BMP7: variants seen among roughly 807,000 people sequenced by gnomAD.
The protein encoded by BMP7 is osteogenic protein 1.
Under a neutral mutation model 41.2 loss-of-function variants are expected in BMP7, and 12 were observed. That is an observed-to-expected ratio of 0.29 (90% CI 0.19 to 0.47). The LOEUF (loss-of-function observed/expected upper bound fraction) is 0.47. Ranked by LOEUF, BMP7 falls within the 20% of genes least tolerant of loss-of-function variation. The pLI is 0.99. For missense variants in BMP7, 467 were observed against 606.0 expected (o/e 0.77, Z 2.41); for synonymous variants, 248 against 250.0 (o/e 0.99, Z 0.07).
chr20:57,228,534 G>T lies in BMP7; in HGVS notation c.419-113C>A. 3.1e-6 allele frequency: 4 copies of T among 1,290,582 alleles called. No homozygotes were observed. Among genetic ancestry groups the T allele is most frequent in the Non-Finnish European group, 4.5e-6 (4 of 893,190 alleles). The allele number at this position is 1,290,582 out of a possible 1,614,324, so 79.9% of individuals were successfully genotyped here. ...TAAGCTAGATGGAGGCATGCCCATT[G>T]CCAGTGACCCCAGTGACAACTGCTC... is the stretch of plus-strand genomic sequence containing the variant. On this transcript the variant is annotated intron_variant, in intron 1 of 6. Coordinates refer to ENST00000395863, the MANE Select transcript of BMP7 (RefSeq NM_001719.3). The surrounding 1 kb of genome is among the most constrained non-coding windows in gnomAD (Gnocchi z 4.5).
intron 3 of BMP7, among the ~76,000 whole-genome samples, chr20:57,191,349 C>T (rs1418091422): frequency 1.3e-5 from 2 of 152,110 alleles, no homozygotes; most frequent in Non-Finnish European, 2.9e-5. Context: ...AAGTTCCCTC[C>T]CATGAGCCAC....
intron 3 of BMP7, among the ~76,000 whole-genome samples, chr20:57,201,894 A>G (rs936865665): frequency 1.3e-5 from 2 of 152,330 alleles, no homozygotes; most frequent in East Asian, 3.9e-4. Flanking sequence ...CAGACTCACA[A>G]TGGATTCTCC....
chr20:57,223,229 C>CG (rs141672932), intron 2 of BMP7, among the ~76,000 whole-genome samples: 1 of 62,420 alleles, frequency 1.6e-5, no homozygotes, highest in Non-Finnish European at 2.9e-5. Flanking sequence ...GACTCCATCT[C>CG]AAAAAAAAAA....
chr20:57,231,542 A>G (rs1229216462), intron 1 of BMP7, among the ~76,000 whole-genome samples: 1 of 152,240 alleles, frequency 6.6e-6, no homozygotes, highest in Non-Finnish European at 1.5e-5. Flanking sequence ...GGGACAACTC[A>G]TGGCTTCTCG....
At chr20:57,238,909 A>G (rs1244811221) in intron 1 of BMP7, among the ~76,000 whole-genome samples, 3 of 152,124 alleles carry the variant, frequency 2.0e-5, no homozygotes, top group Admixed American at 1.3e-4. Context: ...CCATGATTCA[A>G]TTACCTCCCC....
intron 3 of BMP7, among the ~76,000 whole-genome samples, chr20:57,186,017 G>T (rs1984202666): frequency 6.6e-6 from 1 of 151,890 alleles, no homozygotes; most frequent in African/African-American, 2.4e-5. Context: ...CTCAATAAAT[G>T]CTAGCTCAGG....
Position 57,174,995 on chromosome 20 carries a change from C to T in BMP7, c.971G>A (p.Ser324Asn). ...CTTCTTACAGGCCTGCCTCTGGTCG[C>T]TGCTGCTGTTCTCTGCATTGACAAG... is the stretch of plus-strand genomic sequence containing the variant. ...RMANVAENSS[S>N]DQRQACKKHE... The change falls in exon 5 of 7, where the codon AGC becomes AAC. Residue 324 changes from serine (S) to asparagine (N), a missense_variant. Coordinates refer to ENST00000395863, the MANE Select transcript of BMP7 (RefSeq NM_001719.3). The surrounding 1 kb of genome is among the most constrained non-coding windows in gnomAD (Gnocchi z 4.3). The T allele has an allele frequency of 5.0e-6, 8 of 1,611,576 alleles. No homozygotes were observed. The highest frequency in any genetic ancestry group is 6.8e-6 in the Non-Finnish European group (8 of 1,179,882).
At chr20:57,245,027 CCT>C (rs972803412) in intron 1 of BMP7, among the ~76,000 whole-genome samples, 12 of 152,188 alleles carry the variant, frequency 7.9e-5, no homozygotes, top group African/African-American at 2.7e-4. Flanking sequence ...ATGCCCAGCC[CCT>C]GTCTCCCTTT....
At chr20:57,186,007 C>T (rs138280384) in intron 3 of BMP7, among the ~76,000 whole-genome samples, 1 of 151,800 alleles carries the variant, frequency 6.6e-6, no homozygotes, top group African/African-American at 2.4e-5. Context: ...ACCCTAAGTA[C>T]TCAATAAATG....
At chr20:57,243,034 T>C (rs1477533970) in intron 1 of BMP7, among the ~76,000 whole-genome samples, 2 of 152,146 alleles carry the variant, frequency 1.3e-5, no homozygotes, top group East Asian at 1.9e-4. Flanking sequence ...AACAGCTGTA[T>C]GTGGCTCATG....
At position 57,213,561 on chromosome 20, in the gene BMP7, G is replaced by A. The variant is rs115726855; in HGVS notation, c.612-10938C>T. 3.2e-3 allele frequency among the ~76,000 whole-genome samples: 488 copies of A among 152,332 alleles called. 2 individuals carry two copies. The highest frequency in any genetic ancestry group is 0.011 in the African/African-American group (461 of 41,576). On this transcript the variant is annotated intron_variant, in intron 2 of 6. Transcript: ENST00000395863. The surrounding 1 kb of genome is among the most constrained non-coding windows in gnomAD (Gnocchi z 4.4). ...GCGCAGTAACGAGCCGTTCAAACTT[G>A]TGTCAAGGTGTGGATCACAGAGGCT...
rs2123117259 is a variant in BMP7, at chr20:57,228,193, C to T, written c.611+36G>A. ...CTTCTTCCTCTGCCCCCAGAGGAAA[C>T]TCAGCACCTCTCCCAGATACCCGTA... On this transcript the variant is annotated intron_variant, in intron 2 of 6. Coordinates refer to ENST00000395863, the MANE Select transcript of BMP7 (RefSeq NM_001719.3). This position sits in a 1 kb window ranked among gnomAD's most constrained non-coding sequence, Gnocchi z 4.5. 6.2e-7 allele frequency: 1 copy of T among 1,607,676 alleles called. No homozygotes were observed. The highest frequency in any genetic ancestry group is 1.1e-5 in the South Asian group (1 of 90,864).
rs1985253422 is a variant in BMP7 at position 57,224,151 on chromosome 20, C to A, written c.611+4078G>T. ...CTGAGCCCAGGCCTCCTCTGCCAAT[C>A]CATCCTGTGTGGTGGGGACAGGCAG... On this transcript the variant is annotated intron_variant, in intron 2 of 6. Transcript: ENST00000395863. The surrounding 1 kb of genome is among the most constrained non-coding windows in gnomAD (Gnocchi z 4.8). Among the ~76,000 whole-genome samples, 1 of 152,230 alleles carries A rather than the reference C, an allele frequency of 6.6e-6. No individual in the cohort carries two copies. Among genetic ancestry groups the A allele is most frequent in the South Asian group, 2.1e-4 (1 of 4,832 alleles).
intron 2 of BMP7, among the ~76,000 whole-genome samples, chr20:57,217,094 T>C (rs889709793): frequency 6.6e-6 from 1 of 152,090 alleles, no homozygotes; most frequent in Non-Finnish European, 1.5e-5. Flanking sequence ...GGAGAAAGCT[T>C]TCCAAGGAGA....
intron 1 of BMP7, among the ~76,000 whole-genome samples, chr20:57,256,980 T>A (rs1366099903): frequency 6.6e-6 from 1 of 152,202 alleles, no homozygotes; most frequent in Non-Finnish European, 1.5e-5. Flanking sequence ...ATTTTTGAAG[T>A]TAGAAAGTCA....
intron 3 of BMP7, among the ~76,000 whole-genome samples, chr20:57,192,086 A>G (rs1984375008): frequency 8.0e-6 from 1 of 124,404 alleles, no homozygotes; most frequent in Admixed American, 9.1e-5. Context: ...TTATATATTT[A>G]TTTATATTTA....
At chr20:57,200,682 G>A (rs1984598535) in intron 3 of BMP7, among the ~76,000 whole-genome samples, 1 of 152,198 alleles carries the variant, frequency 6.6e-6, no homozygotes, top group African/African-American at 2.4e-5. Flanking sequence ...TGTAGTCCCA[G>A]CTACTCAAGC....
chr20:57,264,369 A>C (rs2066165559), intron 1 of BMP7, among the ~76,000 whole-genome samples: 1 of 152,222 alleles, frequency 6.6e-6, no homozygotes, highest in South Asian at 2.1e-4. Flanking sequence ...TTTCGCAGCA[A>C]GTTACACAAG....
At chr20:57,260,063 T>G (rs2066147969) in intron 1 of BMP7, among the ~76,000 whole-genome samples, 1 of 152,056 alleles carries the variant, frequency 6.6e-6, no homozygotes, top group Non-Finnish European at 1.5e-5. Flanking sequence ...ACGCCCTTCC[T>G]CTATAAACTG....
Sources: allele counts gnomAD v4.1 joint callset (sites outside exome capture counted in the v4.1 genomes callset), GRCh38; gene constraint gnomAD v4.1.1; non-coding constraint Gnocchi (gnomAD v3.1); transcripts MANE v1.5; gene names NCBI Gene and HGNC (gene_info 2026-07-23, HGNC 2026-07-21).